Variants in CCDC91 observed in about 807,000 individuals in gnomAD.
The protein encoded by CCDC91 is coiled-coil domain-containing protein 91.
Under a neutral mutation model 63.2 loss-of-function variants are expected in CCDC91, and 48 were observed. The observed-to-expected ratio is 0.76, with a 90% CI of 0.60 to 0.97. The LOEUF (loss-of-function observed/expected upper bound fraction) is 0.97. Ranked by LOEUF, CCDC91 falls within the 50% of genes least tolerant of loss-of-function variation. The probability of loss-of-function intolerance (pLI) is 0.00; values close to 1 mark genes in which losing one functional copy is unlikely to be tolerated. For synonymous variants in CCDC91, 167 were observed against 165.8 expected, an observed-to-expected ratio of 1.01 and a Z score of -0.06; for missense variants, 500 against 494.6, an observed-to-expected ratio of 1.01 and a Z score of -0.10.
intron 1 of CCDC91, chr12:28,236,097 G>T (rs983422164): frequency 1.3e-5 from 2 of 152,016 alleles, no homozygotes; most frequent in Admixed American, 1.3e-4. Context: ...CACTGAGTTT[G>T]TGTCATGCTT....
intron 12 of CCDC91, among the ~76,000 whole-genome samples, chr12:28,486,618 T>C (rs1592818633): frequency 6.6e-6 from 1 of 152,240 alleles, no homozygotes; most frequent in East Asian, 1.9e-4. Context: ...GAAGTGCCTA[T>C]AATAAGAATA....
chr12:28,405,342 T>C (rs1021672394), intron 8 of CCDC91, among the ~76,000 whole-genome samples: 1 of 152,118 alleles, frequency 6.6e-6, no homozygotes, highest in African/African-American at 2.4e-5. Context: ...ATCATTGATG[T>C]CATTCATTTT....
At chr12:28,338,258 C>CTTT (rs71039893) in intron 6 of CCDC91, among the ~76,000 whole-genome samples, 4 of 143,792 alleles carry the variant, frequency 2.8e-5, no homozygotes, top group Non-Finnish European at 6.0e-5. Flanking sequence ...CCTTATGGAT[C>CTTT]TTTTTTTTTT....
intron 8 of CCDC91, among the ~76,000 whole-genome samples, chr12:28,394,474 A>C (rs2139362897): frequency 6.6e-6 from 1 of 151,134 alleles, no homozygotes; most frequent in African/African-American, 2.5e-5. Flanking sequence ...AAAAACAAAC[A>C]AACAAAAAAA....
At chr12:28,489,436 TC>T (rs981697311) in intron 12 of CCDC91, among the ~76,000 whole-genome samples, 3 of 151,850 alleles carry the variant, frequency 2.0e-5, no homozygotes, top group African/African-American at 7.2e-5. Context: ...AACGAAGAGT[TC>T]CAACCCATCC....
rs752710108 is a variant in CCDC91 at position 28,549,059 on chromosome 12, A to G, written c.1216-4A>G. The G allele has an allele frequency of 1.3e-6, 2 of 1,594,032 alleles. No homozygotes were observed. The highest frequency in any genetic ancestry group is 1.7e-6 in the Non-Finnish European group (2 of 1,163,712). On this transcript the variant is annotated splice_region_variant and splice_polypyrimidine_tract_variant and intron_variant, in intron 12 of 12. Transcript: ENST00000536442. Reference sequence around the variant, plus strand: ...TTCTCTCTCTCTTTAAAAAAATTAAACAGCTCGATCAAGTCATCCGCCAAA... The same window carrying G: ...TTCTCTCTCTCTTTAAAAAAATTAAGCAGCTCGATCAAGTCATCCGCCAAA...
chr12:28,503,412 G>A lies in CCDC91; in HGVS notation c.1215+19247G>A, dbSNP rs556045339. The stretch of plus-strand genomic sequence containing the variant: ...ACCACCTCACACCAGTTAGAATGGC[G>A]ATCATTAAAAAGTCAGGAAGCAACA... On this transcript the variant is annotated intron_variant, in intron 12 of 12. Coordinates refer to ENST00000536442, the MANE Select transcript of CCDC91 (RefSeq NM_018318.5). Among the ~76,000 whole-genome samples the A allele has an allele frequency of 1.0e-3, 152 of 152,210 alleles. No homozygotes were observed. In the East Asian group the frequency reaches 0.01, roughly 10 times the overall value.
At chr12:28,295,955 A>G (rs1418023431) in intron 3 of CCDC91, among the ~76,000 whole-genome samples, 4 of 151,952 alleles carry the variant, frequency 2.6e-5, no homozygotes, top group Non-Finnish European at 4.4e-5. Flanking sequence ...GTAAATTTGG[A>G]TAAAAAGATA....
chr12:28,293,689 TTTCCTA>T (rs1233192173), intron 3 of CCDC91, among the ~76,000 whole-genome samples: 1 of 152,188 alleles, frequency 6.6e-6, no homozygotes, highest in African/African-American at 2.4e-5. Context: ...AACTTATCCT[TTTCCTA>T]TTTGGTTCTC....
chr12:28,392,445 G>A (rs1284140515), intron 8 of CCDC91, among the ~76,000 whole-genome samples: 1 of 152,096 alleles, frequency 6.6e-6, no homozygotes, highest in Non-Finnish European at 1.5e-5. Context: ...TTGCGACGTG[G>A]AACATTACCT....
chr12:28,409,766 T>G lies in CCDC91; in HGVS notation c.762+18355T>G, dbSNP rs547780496. ...TTTCATTTTCAATTCAAAATACTTTTAAATTTATCTTTTGATTTTTTTTAA... is the reference window on the plus strand; with the variant it reads ...TTTCATTTTCAATTCAAAATACTTTGAAATTTATCTTTTGATTTTTTTTAA... On this transcript the variant is annotated intron_variant, in intron 8 of 12. Coordinates refer to ENST00000536442, the MANE Select transcript of CCDC91 (RefSeq NM_018318.5). Among the ~76,000 whole-genome samples the G allele has an allele frequency of 3.9e-5, 6 of 152,278 alleles. No homozygotes were observed. In the South Asian group the frequency reaches 1.2e-3, roughly 32 times the overall value.
intron 6 of CCDC91, among the ~76,000 whole-genome samples, chr12:28,338,396 G>A (rs774833662): frequency 1.9e-4 from 29 of 151,322 alleles, no homozygotes; most frequent in Admixed American, 2.0e-4. Flanking sequence ...GTATACATGT[G>A]CCATGTAGGT....
At chr12:28,244,492 G>A (rs1365025482) in intron 1 of CCDC91, among the ~76,000 whole-genome samples, 1 of 101,022 alleles carries the variant, frequency 9.9e-6, no homozygotes, top group East Asian at 2.4e-4. Context: ...TGTAGAAGAA[G>A]GCTTTTTTTT....
chr12:28,325,677 G>C (rs988995520), intron 6 of CCDC91, among the ~76,000 whole-genome samples: 1 of 151,792 alleles, frequency 6.6e-6, no homozygotes, highest in African/African-American at 2.4e-5. Context: ...GGAGATTTTA[G>C]GCATAAGAAA....
intron 6 of CCDC91, among the ~76,000 whole-genome samples, chr12:28,322,260 G>A (rs1940579825): frequency 6.6e-6 from 1 of 151,842 alleles, no homozygotes; most frequent in Non-Finnish European, 1.5e-5. Context: ...TGAAATCACA[G>A]AGCAGCATGA....
Position 28,296,039 on chromosome 12 carries a change from A to G in CCDC91, c.110-9610A>G, listed in dbSNP as rs1309312444. ...CTTATATCATTTTTTATTGTATTTT[A>G]CTTCATTAGTTTATTTCTATTTTCA... On this transcript the variant is annotated intron_variant, in intron 3 of 12. Transcript: ENST00000536442. Among the ~76,000 whole-genome samples, 4 of 151,720 alleles carry G rather than the reference A, an allele frequency of 2.6e-5. No homozygotes were observed. In the East Asian group the frequency reaches 7.7e-4, roughly 29 times the overall value.
chr12:28,548,362 T>C (rs6487686), intron 12 of CCDC91, among the ~76,000 whole-genome samples: 113,218 of 151,996 alleles, frequency 0.74, 42,648 homozygotes, highest in African/African-American at 0.81. Flanking sequence ...CTCTGTCTCC[T>C]GGGTTCAATA....
intron 1 of CCDC91, among the ~76,000 whole-genome samples, chr12:28,229,635 CT>C (rs1228914680): frequency 6.6e-6 from 1 of 152,144 alleles, no homozygotes; most frequent in Non-Finnish European, 1.5e-5. Context: ...GAGTTTAGAA[CT>C]TAGTAGAAAA....
chr12:28,252,656 C>T (rs970323488), intron 1 of CCDC91, among the ~76,000 whole-genome samples: 1 of 151,990 alleles, frequency 6.6e-6, no homozygotes, highest in African/African-American at 2.4e-5. Flanking sequence ...CTGTTGTTAA[C>T]TTTCTGAAGA....
Sources: allele counts gnomAD v4.1 joint callset (sites outside exome capture counted in the v4.1 genomes callset), GRCh38; gene constraint gnomAD v4.1.1; transcripts MANE v1.5; gene names NCBI Gene and HGNC (gene_info 2026-07-23, HGNC 2026-07-21).